VAV3: variants seen among roughly 807,000 people sequenced by gnomAD.
VAV3 encodes guanine nucleotide exchange factor VAV3.
Under a neutral mutation model 131.2 loss-of-function variants are expected in VAV3, and 94 were observed. The observed-to-expected ratio is 0.72, with a 90% CI of 0.61 to 0.85. VAV3 has a LOEUF of 0.85. VAV3 is among the 40% of genes least tolerant of loss of function. The pLI, the probability that VAV3 is intolerant of heterozygous loss-of-function variation, is 0.00. For missense variants in VAV3, 939 were observed against 1,002.7 expected (o/e 0.94, Z 0.86); for synonymous variants, 349 against 342.0 (o/e 1.02, Z -0.22).
At chr1:107,750,877 TG>T (rs2102065948) in intron 13 of VAV3, among the ~76,000 whole-genome samples, 1 of 152,352 alleles carries the variant, frequency 6.6e-6, no homozygotes, top group East Asian at 1.9e-4. Context: ...GTATCCTAGC[TG>T]ATCATCTATA....
chr1:107,787,869 G>T (rs138559051), intron 2 of VAV3, among the ~76,000 whole-genome samples: 6 of 152,146 alleles, frequency 3.9e-5, no homozygotes, highest in African/African-American at 1.4e-4. Context: ...CTGCCTTCTT[G>T]ACCTCAACAC....
intron 1 of VAV3, among the ~76,000 whole-genome samples, chr1:107,959,881 T>C (rs77820600): frequency 0.033 from 4,989 of 152,256 alleles, 110 homozygotes; most frequent in East Asian, 0.1. Context: ...ATACTTCCTC[T>C]AGTCCTCTCC....
At chr1:107,654,132 C>T (rs556642745) in intron 19 of VAV3, among the ~76,000 whole-genome samples, 6 of 152,168 alleles carry the variant, frequency 3.9e-5, no homozygotes, top group African/African-American at 1.2e-4. Context: ...TACCCACTAA[C>T]GGTGGAATCT....
At chr1:107,845,168 TCTGGAGTAGAC>T (rs1317843988) in intron 2 of VAV3, among the ~76,000 whole-genome samples, 1 of 152,132 alleles carries the variant, frequency 6.6e-6, no homozygotes, top group East Asian at 1.9e-4. Context: ...GCAAACAGAA[TCTGGAGTAGAC>T]CTCCAGCCAG....
At chr1:107,634,869 A>T (rs1345798703) in intron 20 of VAV3, among the ~76,000 whole-genome samples, 2 of 152,236 alleles carry the variant, frequency 1.3e-5, no homozygotes, top group Non-Finnish European at 2.9e-5. Flanking sequence ...ACATGAAAAA[A>T]TGCTCATCAT....
intron 2 of VAV3, among the ~76,000 whole-genome samples, chr1:107,801,582 C>A (rs1354969527): frequency 6.6e-6 from 1 of 152,156 alleles, no homozygotes; most frequent in African/African-American, 2.4e-5. Context: ...AGAGGCCACA[C>A]TTCAACCACT....
At chr1:107,595,971 A>C in intron 25 of VAV3, among the ~76,000 whole-genome samples, 1 of 152,182 alleles carries the variant, frequency 6.6e-6, no homozygotes, top group Non-Finnish European at 1.5e-5. Flanking sequence ...CATATCTTTT[A>C]CGTTTCTGCT....
intron 25 of VAV3, among the ~76,000 whole-genome samples, chr1:107,582,891 A>G (rs896473545): frequency 6.6e-6 from 1 of 152,090 alleles, no homozygotes; most frequent in Non-Finnish European, 1.5e-5. Context: ...ATGTGTCTTT[A>G]TAGCAGCATG....
At chr1:107,864,980 C>A (rs568240116) in intron 2 of VAV3, among the ~76,000 whole-genome samples, 1 of 152,140 alleles carries the variant, frequency 6.6e-6, no homozygotes, top group Non-Finnish European at 1.5e-5. Context: ...TCTGGCTGAG[C>A]CTTACCCCCT....
At chr1:107,624,206 G>A (rs1241085736) in intron 20 of VAV3, among the ~76,000 whole-genome samples, 3 of 152,146 alleles carry the variant, frequency 2.0e-5, no homozygotes, top group Non-Finnish European at 2.9e-5. Flanking sequence ...ACACTGGAAT[G>A]AGACTTCACC....
rs750893620 is a variant in VAV3 at position 107,748,977 on chromosome 1, T to G, written c.1493A>C (p.Glu498Ala). The change falls in exon 15 of 27, where the codon GAA (glutamate) becomes GCA (alanine). Residue 498 changes from glutamate (E) to alanine (A), a missense_variant. Transcript: ENST00000370056. ...AAATAGAAATACTCACAAAGCCATT[T>G]CAAACTGTTCTAGCCATTTCTTCTT... Reference protein sequence around the residue: ...DLKKKWLEQFEMALSNIRPDY... With the variant: ...DLKKKWLEQFAMALSNIRPDY... 24 of 1,595,456 alleles carry G rather than the reference T, an allele frequency of 1.5e-5. No individual in the cohort carries two copies. In the Admixed American group the frequency reaches 4.1e-4, roughly 27 times the overall value.
chr1:107,605,524 A>G (rs1453029511), intron 22 of VAV3, among the ~76,000 whole-genome samples: 1 of 152,182 alleles, frequency 6.6e-6, no homozygotes, highest in South Asian at 2.1e-4. Context: ...ACAAATAAAT[A>G]TATCTTCTTT....
chr1:107,718,839 G>A (rs545426973), intron 15 of VAV3, among the ~76,000 whole-genome samples: 31 of 152,190 alleles, frequency 2.0e-4, no homozygotes, highest in Non-Finnish European at 3.4e-4. Flanking sequence ...AAACAGCATG[G>A]TACTGGTACC....
intron 11 of VAV3, 120 bp downstream of exon 11, chr1:107,757,141 A>T (rs1402635131): frequency 3.3e-6 from 2 of 609,014 alleles, no homozygotes; most frequent in South Asian, 2.5e-5. Context: ...TTGTGTATAT[A>T]TATGTGTGTA....
chr1:107,674,264 G>A (rs931106353), intron 19 of VAV3, among the ~76,000 whole-genome samples: 3 of 152,148 alleles, frequency 2.0e-5, no homozygotes, highest in African/African-American at 7.2e-5. Flanking sequence ...TCATACACAT[G>A]GCGTGTTTCA....
chr1:107,737,482 C>T (rs147762141), intron 15 of VAV3, among the ~76,000 whole-genome samples: 12,710 of 152,236 alleles, frequency 0.083, 687 homozygotes, highest in Admixed American at 0.17. Flanking sequence ...TATCCAGAAT[C>T]TACAAAGAAC....
chr1:107,573,455 T>C, intron 26 of VAV3, 83 bp from the exon 27 acceptor site: 2 of 1,541,140 alleles, frequency 1.3e-6, no homozygotes, highest in South Asian at 2.4e-5. Flanking sequence ...TATTTTGTTT[T>C]CATAACACCC....
intron 1 of VAV3, among the ~76,000 whole-genome samples, chr1:107,896,971 C>T (rs746581036): frequency 7.9e-5 from 12 of 152,008 alleles, no homozygotes; most frequent in East Asian, 2.0e-4. Flanking sequence ...AGACACTGCA[C>T]AGCACTCAAC....
intron 1 of VAV3, among the ~76,000 whole-genome samples, chr1:107,937,408 C>T (rs1193998604): frequency 6.6e-6 from 1 of 152,218 alleles, no homozygotes; most frequent in African/African-American, 2.4e-5. Context: ...ACTTCCATCT[C>T]TGCCTGCCAA....
Sources: allele counts gnomAD v4.1 joint callset (sites outside exome capture counted in the v4.1 genomes callset), GRCh38; gene constraint gnomAD v4.1.1; transcripts MANE v1.5; gene names NCBI Gene and HGNC (gene_info 2026-07-23, HGNC 2026-07-21).